The following RPH3A variants were observed in gnomAD, a reference collection of about 807,000 sequenced individuals.
RPH3A encodes rabphilin-3A.
In RPH3A, 48 loss-of-function variants were observed where a neutral mutation model predicts 102.2. The ratio of observed to expected loss-of-function variants is 0.47; its 90% CI spans 0.37 to 0.60. The LOEUF (loss-of-function observed/expected upper bound fraction) is 0.60. Among genes scored for constraint, RPH3A ranks in the 20% least tolerant of loss-of-function variants. RPH3A has a pLI of 0.00. For missense variants in RPH3A, 781 were observed against 910.1 expected (o/e 0.86, Z 1.83); for synonymous variants, 310 against 324.3 (o/e 0.96, Z 0.47).
chr12:112,836,563 T>A (rs932387789), intron 4 of RPH3A, 61 bp downstream of exon 4: 27 of 833,022 alleles, frequency 3.2e-5, no homozygotes, highest in Non-Finnish European at 4.5e-5. Flanking sequence ...TCTCTTTCTC[T>A]GATCAAGGTG....
intron 1 of RPH3A, among the ~76,000 whole-genome samples, chr12:112,597,778 ACTCTATAGAAGTCTCATAGT>A (rs1321087041): frequency 1.3e-5 from 2 of 152,130 alleles, no homozygotes; most frequent in Admixed American, 6.5e-5. Flanking sequence ...GTTAACTGAG[ACTCTATAGAAGTCTCATAGT>A]CTCTATAGAA....
chr12:112,606,275 T>C (rs2135971541), intron 1 of RPH3A, among the ~76,000 whole-genome samples: 1 of 152,348 alleles, frequency 6.6e-6, no homozygotes, highest in Admixed American at 6.5e-5. Context: ...AACTTTACTA[T>C]TTACTCGCTG....
At chr12:112,592,590 A>T (rs1270554496) in intron 1 of RPH3A, among the ~76,000 whole-genome samples, 1 of 152,194 alleles carries the variant, frequency 6.6e-6, no homozygotes, top group Non-Finnish European at 1.5e-5. Context: ...AAGTGCTGGG[A>T]TTATAGGCAT....
At chr12:112,798,224 A>T (rs910109665) in intron 2 of RPH3A, among the ~76,000 whole-genome samples, 1 of 152,236 alleles carries the variant, frequency 6.6e-6, no homozygotes, top group East Asian at 1.9e-4. Flanking sequence ...TGCCTCAGGA[A>T]GCTGGGTTTT....
At chr12:112,833,451 T>C (rs2042000753) in intron 3 of RPH3A, among the ~76,000 whole-genome samples, 1 of 139,362 alleles carries the variant, frequency 7.2e-6, no homozygotes, top group African/African-American at 2.7e-5. Context: ...CTTTGAATGC[T>C]CAGTCTGTGA....
chr12:112,842,080 C>G (rs2042157096), intron 4 of RPH3A: 1 of 454,874 alleles, frequency 2.2e-6, no homozygotes, highest in Non-Finnish European at 4.4e-6. Context: ...TTGTTTCATT[C>G]CATTGGGTTC....
At chr12:112,660,589 G>A (rs2040042394) in intron 1 of RPH3A, among the ~76,000 whole-genome samples, 1 of 152,168 alleles carries the variant, frequency 6.6e-6, no homozygotes, top group South Asian at 2.1e-4. Context: ...GGAGGCTGAG[G>A]CAGGAGTGTC....
At chr12:112,618,604 A>G (rs1028075670) in intron 1 of RPH3A, among the ~76,000 whole-genome samples, 1 of 152,202 alleles carries the variant, frequency 6.6e-6, no homozygotes, top group African/African-American at 2.4e-5. Context: ...GTAGAGACTC[A>G]TACATGTAAT....
intron 1 of RPH3A, among the ~76,000 whole-genome samples, chr12:112,617,540 A>G (rs2039689992): frequency 6.6e-6 from 1 of 152,186 alleles, no homozygotes; most frequent in Non-Finnish European, 1.5e-5. Flanking sequence ...CAGAGAGAAA[A>G]AGTGAACAGC....
intron 1 of RPH3A, among the ~76,000 whole-genome samples, chr12:112,737,933 A>G (rs547942189): frequency 6.6e-6 from 1 of 152,334 alleles, no homozygotes; most frequent in South Asian, 2.1e-4. Flanking sequence ...ATAAGTTACC[A>G]CAAACTGGGT....
At chr12:112,700,977 C>T (rs2040389364) in intron 1 of RPH3A, among the ~76,000 whole-genome samples, 1 of 152,156 alleles carries the variant, frequency 6.6e-6, no homozygotes, top group Non-Finnish European at 1.5e-5. Context: ...TAGACTTCTT[C>T]CCTTCGGTGT....
chr12:112,581,733 T>G lies in RPH3A; in HGVS notation c.-140+6414T>G, dbSNP rs2039402606. Among the ~76,000 whole-genome samples, 3 of 147,734 alleles carry G rather than the reference T, an allele frequency of 2.0e-5. 1 individual carries two copies. The highest frequency in any genetic ancestry group is 3.0e-5 in the Non-Finnish European group (2 of 67,070). The stretch of plus-strand genomic sequence containing the variant: ...ATGTGTATGTAATATTTCTGTTTAG[T>G]TTTCCTTCCCTCTATACCATGCCTT... On this transcript the variant is annotated intron_variant, in intron 1 of 21. Transcript: ENST00000543106.
chr12:112,763,447 A>G (rs146772322), intron 1 of RPH3A, among the ~76,000 whole-genome samples: 3 of 152,356 alleles, frequency 2.0e-5, no homozygotes, highest in East Asian at 1.9e-4. Flanking sequence ...TGAGATGTAC[A>G]TTGGTTAGGT....
At chr12:112,837,312 G>A (rs2042070315) in intron 4 of RPH3A, among the ~76,000 whole-genome samples, 1 of 152,144 alleles carries the variant, frequency 6.6e-6, no homozygotes, top group South Asian at 2.1e-4. Flanking sequence ...CGAATGAGAT[G>A]TTTGCAGGAA....
At chr12:112,840,793 C>G (rs1201863394) in intron 4 of RPH3A, among the ~76,000 whole-genome samples, 1 of 152,062 alleles carries the variant, frequency 6.6e-6, no homozygotes, top group African/African-American at 2.4e-5. Context: ...ACAACCAATT[C>G]CCCGCTTCCA....
intron 2 of RPH3A, among the ~76,000 whole-genome samples, chr12:112,821,143 C>T (rs571878024): frequency 1.3e-5 from 2 of 152,278 alleles, no homozygotes; most frequent in Admixed American, 1.3e-4. Context: ...CAGGAATGAC[C>T]AGGCGGGCAG....
chr12:112,869,169 C>A (rs2042662296), intron 8 of RPH3A: 1 of 153,418 alleles, frequency 6.5e-6, no homozygotes, highest in South Asian at 2.0e-4. Context: ...AGTAAAAATA[C>A]ATTTTAGTTG....
At chr12:112,754,529 G>A (rs1208776282) in intron 1 of RPH3A, among the ~76,000 whole-genome samples, 1 of 152,146 alleles carries the variant, frequency 6.6e-6, no homozygotes, top group Non-Finnish European at 1.5e-5. Context: ...TTCGGTTCAA[G>A]GAAAAGACCA....
chr12:112,835,465 CCAAA>C (rs1162243487), intron 3 of RPH3A, among the ~76,000 whole-genome samples: 1 of 152,218 alleles, frequency 6.6e-6, no homozygotes. Flanking sequence ...TTAAAATTAT[CCAAA>C]CAGTCTGGAC....
Sources: gnomAD v4.1 joint callset for allele counts (sites outside exome capture counted in the v4.1 genomes callset) on GRCh38, gnomAD v4.1.1 for gene constraint, MANE v1.5 for transcripts, NCBI Gene and HGNC (gene_info 2026-07-23, HGNC 2026-07-21) for gene names.